Variants in FRAS1 observed in about 807,000 individuals in gnomAD.
FRAS1 encodes the protein extracellular matrix organizing protein FRAS1.
In FRAS1, 290 loss-of-function variants were observed where a neutral mutation model predicts 435.2. The ratio of observed to expected loss-of-function variants is 0.67; its 90% CI spans 0.61 to 0.73. The LOEUF (loss-of-function observed/expected upper bound fraction) is 0.73, where lower values mean the gene tolerates loss of function less well. FRAS1 is among the 30% of genes least tolerant of loss of function. The probability of loss-of-function intolerance (pLI) is 0.00; values close to 1 mark genes in which losing one functional copy is unlikely to be tolerated. For missense variants in FRAS1, 4,860 were observed against 5,001.5 expected (o/e 0.97, Z 0.85); for synonymous variants, 1,800 against 1,851.0 (o/e 0.97, Z 0.71).
At chr4:78,503,526 G>T (rs917177042) in intron 61 of FRAS1, among the ~76,000 whole-genome samples, 8 of 152,232 alleles carry the variant, frequency 5.3e-5, no homozygotes, top group Admixed American at 5.2e-4. Context: ...ATTCTCTGAT[G>T]GTAGTTTGTA....
At chr4:78,192,166 T>A (rs1284635678) in intron 2 of FRAS1, among the ~76,000 whole-genome samples, 1 of 152,238 alleles carries the variant, frequency 6.6e-6, no homozygotes, top group Non-Finnish European at 1.5e-5. Flanking sequence ...TTTGATGTGC[T>A]GCTGGATTCA....
At chr4:78,138,333 G>T (rs1720014025) in intron 2 of FRAS1, among the ~76,000 whole-genome samples, 1 of 152,166 alleles carries the variant, frequency 6.6e-6, no homozygotes, top group Non-Finnish European at 1.5e-5. Context: ...TTTAGGTCCA[G>T]GGTGAGAACT....
chr4:78,255,705 T>G (rs1013852922), intron 6 of FRAS1, among the ~76,000 whole-genome samples: 3 of 152,246 alleles, frequency 2.0e-5, no homozygotes, highest in Admixed American at 6.5e-5. Context: ...ATTAGATTTG[T>G]TATTGTTTTT....
intron 31 of FRAS1, among the ~76,000 whole-genome samples, chr4:78,410,650 A>T (rs1385566902): frequency 6.6e-6 from 1 of 152,226 alleles, no homozygotes; most frequent in East Asian, 1.9e-4. Flanking sequence ...GGATTAAAAA[A>T]TATAGCTAAA....
chr4:78,468,152 C>T (rs781021662), intron 50 of FRAS1, among the ~76,000 whole-genome samples: 2 of 152,170 alleles, frequency 1.3e-5, no homozygotes, highest in Non-Finnish European at 2.9e-5. Context: ...TTTGCTCACA[C>T]TGATGTCCTA....
chr4:78,066,648 C>T (rs1740052734), intron 2 of FRAS1, among the ~76,000 whole-genome samples: 1 of 152,202 alleles, frequency 6.6e-6, no homozygotes, highest in African/African-American at 2.4e-5. Flanking sequence ...AGACTGTCTA[C>T]ACTCCATCAA....
intron 2 of FRAS1, among the ~76,000 whole-genome samples, chr4:78,100,719 G>T (rs925221060): frequency 6.6e-6 from 1 of 152,176 alleles, no homozygotes; most frequent in Non-Finnish European, 1.5e-5. Context: ...TTATGTGGCA[G>T]ATCCTGGCTC....
At chr4:78,214,898 G>C (rs572770466) in intron 2 of FRAS1, among the ~76,000 whole-genome samples, 105 of 152,232 alleles carry the variant, frequency 6.9e-4, no homozygotes, top group African/African-American at 2.5e-3. Context: ...TTGCACCAAG[G>C]CTGTCCTCCC....
At chr4:78,275,200 A>C in intron 9 of FRAS1, among the ~76,000 whole-genome samples, 1 of 152,192 alleles carries the variant, frequency 6.6e-6, no homozygotes, top group East Asian at 1.9e-4. Context: ...TTTTGAGACT[A>C]TGTGTGTCTC....
At chr4:78,500,716 T>G (rs1720649951) in intron 61 of FRAS1, among the ~76,000 whole-genome samples, 1 of 152,126 alleles carries the variant, frequency 6.6e-6, no homozygotes, top group African/African-American at 2.4e-5. Flanking sequence ...TTCTCTCCCC[T>G]CACCAGAGCT....
chr4:78,402,766 T>G (rs1197020199), intron 30 of FRAS1, among the ~76,000 whole-genome samples: 1 of 152,234 alleles, frequency 6.6e-6, no homozygotes, highest in Non-Finnish European at 1.5e-5. Flanking sequence ...TTGCCACGTC[T>G]TCTTGGTTTC....
At chr4:78,259,035 C>T (rs867813756) in intron 6 of FRAS1, among the ~76,000 whole-genome samples, 1,837 of 129,974 alleles carry the variant, frequency 0.014, 63 homozygotes, top group African/African-American at 0.051. Context: ...AGGACATGAA[C>T]TCATCATTTT....
intron 2 of FRAS1, among the ~76,000 whole-genome samples, chr4:78,151,775 T>A (rs900771972): frequency 6.6e-5 from 10 of 152,196 alleles, no homozygotes; most frequent in Non-Finnish European, 1.5e-4. Context: ...TAATAGAGAA[T>A]GTCAAGAGAT....
At chr4:78,318,718 G>T (rs112693053) in intron 17 of FRAS1, 92 bp from the exon 18 acceptor site, 257 of 1,236,982 alleles carry the variant, frequency 2.1e-4, no homozygotes, top group African/African-American at 1.3e-3. Context: ...GCTGCATTTG[G>T]TGAACTTTTC....
rs1219746441 is a variant in FRAS1, at chr4:78,482,405, C to T, written c.8622C>T (p.Ile2874=). 1 of 1,613,836 alleles carries T rather than the reference C, an allele frequency of 6.2e-7. No individual in the cohort carries two copies. The highest frequency in any genetic ancestry group is 1.7e-5 in the Admixed American group (1 of 60,010). ...TCTTCTAGTATTGCACCTTGACTAT[C>T]TTGGATGACACTCAGTATCCGGTAA... The part of the protein sequence containing the change: ...GVIEQYCTLT[I]LDDTQYPVIE... Residue 2874 remains isoleucine (I), a synonymous_variant, in exon 58 of 74, where the codon ATC becomes ATT. Coordinates refer to ENST00000512123, the MANE Select transcript of FRAS1 (RefSeq NM_025074.7).
At chr4:78,146,583 T>C (rs1233908478) in intron 2 of FRAS1, among the ~76,000 whole-genome samples, 1 of 152,158 alleles carries the variant, frequency 6.6e-6, no homozygotes, top group Non-Finnish European at 1.5e-5. Context: ...AACAATGATT[T>C]CAGTTATGGT....
chr4:78,081,923 G>A (rs1295717998), intron 2 of FRAS1, among the ~76,000 whole-genome samples: 1 of 152,044 alleles, frequency 6.6e-6, no homozygotes, highest in Non-Finnish European at 1.5e-5. Context: ...CAGGCTTAGT[G>A]ATTAATTTTC....
At chr4:78,083,639 T>TTC (rs1741007439) in intron 2 of FRAS1, among the ~76,000 whole-genome samples, 1 of 150,868 alleles carries the variant, frequency 6.6e-6, no homozygotes, top group Non-Finnish European at 1.5e-5. Flanking sequence ...TTTTTTTTTT[T>TTC]TTTTTTGCAA....
chr4:78,239,572 T>C (rs1724914779), intron 3 of FRAS1, among the ~76,000 whole-genome samples: 1 of 152,176 alleles, frequency 6.6e-6, no homozygotes, highest in Admixed American at 6.5e-5. Context: ...CAGTGGCTTC[T>C]CTTCTTACTC....
Sources: allele counts gnomAD v4.1 joint callset (sites outside exome capture counted in the v4.1 genomes callset), GRCh38; gene constraint gnomAD v4.1.1; transcripts MANE v1.5; gene names NCBI Gene and HGNC (gene_info 2026-07-23, HGNC 2026-07-21).